CPNE9: variants seen among roughly 807,000 people sequenced by gnomAD.
The protein encoded by CPNE9 is copine family member 9.
A neutral mutation model predicts 83.0 loss-of-function variants in CPNE9; 59 were observed. The ratio of observed to expected loss-of-function variants is 0.71; its 90% CI spans 0.58 to 0.88. The LOEUF (loss-of-function observed/expected upper bound fraction) is 0.88. Among genes scored for constraint, CPNE9 ranks in the 40% least tolerant of loss-of-function variants. CPNE9 has a pLI of 0.00. For missense variants in CPNE9, 619 were observed against 720.8 expected (o/e 0.86, Z 1.62); for synonymous variants, 256 against 273.4 (o/e 0.94, Z 0.63).
At chr3:9,728,129 T>C (rs1036540059) in intron 20 of CPNE9, among the ~76,000 whole-genome samples, 3 of 152,160 alleles carry the variant, frequency 2.0e-5, no homozygotes, top group African/African-American at 7.2e-5. Context: ...GTTCGAAGTA[T>C]CTGTGACAAT....
chr3:9,709,217 A>G (rs1254861222), intron 7 of CPNE9, among the ~76,000 whole-genome samples: 24 of 145,616 alleles, frequency 1.6e-4, no homozygotes, highest in African/African-American at 5.5e-4. Context: ...CGGAGGTTGC[A>G]GTGAGCCGAG....
intron 17 of CPNE9, among the ~76,000 whole-genome samples, chr3:9,718,893 G>A (rs567076702): frequency 2.5e-4 from 36 of 146,732 alleles, no homozygotes; most frequent in African/African-American, 7.9e-4. Flanking sequence ...CTGGAGTGCA[G>A]TGGCATGGTC....
intron 7 of CPNE9, among the ~76,000 whole-genome samples, chr3:9,708,294 A>G (rs1490164677): frequency 1.3e-5 from 2 of 152,136 alleles, no homozygotes; most frequent in Non-Finnish European, 2.9e-5. Flanking sequence ...TGAGATCACC[A>G]AAGGAGGGGA....
rs570007237 is a variant in CPNE9 at position 9,729,684 on chromosome 3, C to A, written c.1654C>A (p.Gln552Lys). Residue 552 changes from glutamine (Q) to lysine (K), a missense_variant, in exon 21 of 21, where the codon CAG becomes AAG. Transcript: ENST00000383832. ...CCCCAGCCCGATCCCAGCTCCAGAGCAGCCCTGAGGATTCCACATATCCAA... is the reference window on the plus strand; with the variant it reads ...CCCCAGCCCGATCCCAGCTCCAGAGAAGCCCTGAGGATTCCACATATCCAA... ...ANPSPIPAPE[Q>K]P The A allele has an allele frequency of 5.0e-6, 8 of 1,612,976 alleles. No homozygotes were observed. The highest frequency in any genetic ancestry group is 1.1e-5 in the South Asian group (1 of 90,962).
chr3:9,707,361 A>AG (rs1187551978), intron 7 of CPNE9, among the ~76,000 whole-genome samples: 1 of 150,556 alleles, frequency 6.6e-6, no homozygotes, highest in East Asian at 1.9e-4. Flanking sequence ...TCAAAAAAAA[A>AG]AAAAAAAAAA....
intron 17 of CPNE9, among the ~76,000 whole-genome samples, chr3:9,725,329 G>A (rs2076767643): frequency 6.6e-6 from 1 of 151,916 alleles, no homozygotes; most frequent in Non-Finnish European, 1.5e-5. Context: ...GAGGTCAGGA[G>A]TTTGAGACCA....
In CPNE9 at chr3:9,713,083, G is replaced by A. The variant is rs1170060879; in HGVS notation, c.650+4G>A. The A allele has an allele frequency of 2.5e-6, 4 of 1,611,202 alleles. No individual in the cohort carries two copies. Among genetic ancestry groups the A allele is most frequent in the Non-Finnish European group, 3.4e-6 (4 of 1,177,470 alleles). ...TGTGCAATGGAGACTATGACAGGTT[G>A]GCTCCAGCATAAGCTGGGGAGTAAG... On this transcript the variant is annotated splice_donor_region_variant and intron_variant, in intron 10 of 20. Transcript: ENST00000383832.
intron 17 of CPNE9, among the ~76,000 whole-genome samples, chr3:9,719,668 G>T (rs2076717492): frequency 6.6e-6 from 1 of 152,120 alleles, no homozygotes; most frequent in African/African-American, 2.4e-5. Context: ...TTAAAAACTA[G>T]ATGAGTGACT....
chr3:9,709,384 GAC>G (rs764022262), intron 7 of CPNE9, among the ~76,000 whole-genome samples: 21 of 140,994 alleles, frequency 1.5e-4, no homozygotes, highest in Admixed American at 4.3e-4. Context: ...TTTTTTTTGA[GAC>G]AGAGTCTCAC....
chr3:9,718,537 G>C lies in CPNE9; in HGVS notation c.1176G>C (p.Gln392His). The part of the protein sequence containing the change: ...GIEGVLESYF[Q>H]SLRTVQLYGP... ...AGGGTGTGCTGGAGAGCTATTTCCA[G>C]AGCCTGCGCACAGTGCAGCTCTATG... is the stretch of plus-strand genomic sequence containing the variant. Residue 392 changes from glutamine (Q) to histidine (H), a missense_variant, in exon 17 of 21, where the codon CAG (glutamine) becomes CAC (histidine). Physicochemically the swap from Gln to His is conservative, Grantham distance 24 (BLOSUM62 0). Transcript: ENST00000383832. 10 of 1,613,782 alleles carry C rather than the reference G, an allele frequency of 6.2e-6. No homozygotes were observed. The highest frequency in any genetic ancestry group is 8.5e-6 in the Non-Finnish European group (10 of 1,179,986).
intron 20 of CPNE9, among the ~76,000 whole-genome samples, chr3:9,728,563 C>T (rs1419796049): frequency 6.6e-6 from 1 of 152,082 alleles, no homozygotes; most frequent in Admixed American, 6.5e-5. Flanking sequence ...GCAGAGATTG[C>T]AGTGAGCCGA....
chr3:9,714,403 C>T (rs1264897377), intron 10 of CPNE9, among the ~76,000 whole-genome samples: 1 of 151,774 alleles, frequency 6.6e-6, no homozygotes, highest in East Asian at 1.9e-4. Flanking sequence ...ATGATTTAGG[C>T]ATGACAGTTA....
chr3:9,723,549 A>C (rs560856395), intron 17 of CPNE9, among the ~76,000 whole-genome samples: 8 of 151,650 alleles, frequency 5.3e-5, no homozygotes, highest in Non-Finnish European at 1.2e-4. Context: ...AAATTATTTT[A>C]TTTTATTATT....
rs79603794 is a variant in CPNE9 at position 9,726,210 on chromosome 3, T to A, written c.1344+159T>A. Reference sequence around the variant, plus strand: ...TGGATTAGAGATAGAGGACTTTGATTTCCAGCAAAAGCAGTAGCTGGAGTA... The same window carrying A: ...TGGATTAGAGATAGAGGACTTTGATATCCAGCAAAAGCAGTAGCTGGAGTA... On this transcript the variant is annotated intron_variant, in intron 18 of 20. Transcript: ENST00000383832. Among the ~76,000 whole-genome samples the A allele has an allele frequency of 5.5e-3, 841 of 152,272 alleles. 9 individuals are homozygous for A. Among genetic ancestry groups the A allele is most frequent in the African/African-American group, 0.019 (806 of 41,552 alleles).
At chr3:9,708,682 G>C (rs916954326) in intron 7 of CPNE9, among the ~76,000 whole-genome samples, 1 of 150,512 alleles carries the variant, frequency 6.6e-6, no homozygotes, top group South Asian at 2.1e-4. Flanking sequence ...CACCCAGCTG[G>C]AGTGCAGTGG....
At chr3:9,719,404 A>G (rs967502731) in intron 17 of CPNE9, among the ~76,000 whole-genome samples, 1 of 152,104 alleles carries the variant, frequency 6.6e-6, no homozygotes, top group Admixed American at 6.5e-5. Flanking sequence ...GAGAGAGAAG[A>G]GCCTACAGCA....
chr3:9,726,627 C>A (rs777819887), intron 18 of CPNE9, 38 bp from the exon 19 acceptor site: 7 of 1,539,530 alleles, frequency 4.5e-6, no homozygotes, highest in East Asian at 2.3e-5. Context: ...CCTAGTGATG[C>A]CTGCTTGCCC....
chr3:9,709,201 G>A (rs1222291043), intron 7 of CPNE9, among the ~76,000 whole-genome samples: 2 of 147,968 alleles, frequency 1.4e-5, no homozygotes, highest in African/African-American at 2.5e-5. Flanking sequence ...GCCTGAACCC[G>A]GGAGGCGGAG....
At chr3:9,715,415 C>G (rs764805938) in intron 12 of CPNE9, 51 bp downstream of exon 12, 6 of 1,610,898 alleles carry the variant, frequency 3.7e-6, no homozygotes, top group African/African-American at 1.3e-5. Context: ...TCCCAGTGTG[C>G]TCAGTCTGGA....
Sources: gnomAD v4.1 joint callset for allele counts (sites outside exome capture counted in the v4.1 genomes callset) on GRCh38, gnomAD v4.1.1 for gene constraint, MANE v1.5 for transcripts, NCBI Gene and HGNC (gene_info 2026-07-23, HGNC 2026-07-21) for gene names.